RABGAP1L: variants seen among roughly 807,000 people sequenced by gnomAD.
The protein encoded by RABGAP1L is RAB GTPase activating protein 1 like.
A neutral mutation model predicts 137.7 loss-of-function variants in RABGAP1L; 63 were observed. The observed-to-expected ratio is 0.46, with a 90% CI of 0.37 to 0.56. The LOEUF is 0.56. Among genes scored for constraint, RABGAP1L ranks in the 20% least tolerant of loss-of-function variants. The probability of loss-of-function intolerance (pLI) is 0.00; values close to 1 mark genes in which losing one functional copy is unlikely to be tolerated. For synonymous variants in RABGAP1L, 431 were observed against 433.7 expected, an observed-to-expected ratio of 0.99 and a Z score of 0.08; for missense variants, 1,095 against 1,244.0, an observed-to-expected ratio of 0.88 and a Z score of 1.80.
intron 11 of RABGAP1L, among the ~76,000 whole-genome samples, chr1:174,311,475 G>T (rs1047956563): frequency 3.3e-5 from 5 of 152,114 alleles, no homozygotes; most frequent in Non-Finnish European, 7.4e-5. Flanking sequence ...CTGTGTCCAT[G>T]ACTTCAATTG....
intron 18 of RABGAP1L, among the ~76,000 whole-genome samples, chr1:174,811,202 A>G (rs1469444173): frequency 6.6e-6 from 1 of 152,212 alleles, no homozygotes; most frequent in African/African-American, 2.4e-5. Flanking sequence ...TTATTTCCAA[A>G]TGGTTTTTTA....
intron 19 of RABGAP1L, among the ~76,000 whole-genome samples, chr1:174,946,940 ATGTGTGTGTGTGTGTGTGTG>A (rs755558389): frequency 3.3e-5 from 2 of 60,938 alleles, no homozygotes; most frequent in Non-Finnish European, 5.5e-5. Flanking sequence ...ATATATATAT[ATGTGTGTGTGTGTGTGTGTG>A]TGTGTGTGTG....
intron 19 of RABGAP1L, among the ~76,000 whole-genome samples, chr1:174,896,052 C>G (rs781329446): frequency 2.2e-4 from 33 of 152,214 alleles, no homozygotes; most frequent in Non-Finnish European, 3.7e-4. Flanking sequence ...AGTTTCCAGT[C>G]CCACCAACAA....
chr1:174,263,949 A>G (rs1312247532), intron 7 of RABGAP1L, among the ~76,000 whole-genome samples: 1 of 152,172 alleles, frequency 6.6e-6, no homozygotes, highest in East Asian at 1.9e-4. Context: ...TTCTTTAGTA[A>G]ATATTGTTTA....
intron 14 of RABGAP1L, among the ~76,000 whole-genome samples, chr1:174,650,301 T>G (rs1435435649): frequency 1.3e-5 from 2 of 152,134 alleles, no homozygotes; most frequent in East Asian, 1.9e-4. Flanking sequence ...TTCTCTTTTT[T>G]GGTTGTGTCT....
intron 15 of RABGAP1L, among the ~76,000 whole-genome samples, chr1:174,687,641 A>G (rs956767328): frequency 1.3e-5 from 2 of 152,202 alleles, no homozygotes; most frequent in African/African-American, 4.8e-5. Flanking sequence ...CATCAAACAC[A>G]CTATCTCAGG....
chr1:174,826,377 A>G (rs1054090161), intron 19 of RABGAP1L, among the ~76,000 whole-genome samples: 1 of 152,090 alleles, frequency 6.6e-6, no homozygotes, highest in Non-Finnish European at 1.5e-5. Flanking sequence ...GTGTGCCACC[A>G]TCCTCAGCTA....
intron 1 of RABGAP1L, among the ~76,000 whole-genome samples, chr1:174,167,355 G>T (rs1333614142): frequency 2.0e-5 from 3 of 152,038 alleles, no homozygotes; most frequent in African/African-American, 7.3e-5. Flanking sequence ...CATTTGTAAA[G>T]ATATACACGC....
At chr1:174,742,471 C>T (rs761749520) in intron 17 of RABGAP1L, among the ~76,000 whole-genome samples, 15 of 152,010 alleles carry the variant, frequency 9.9e-5, no homozygotes, top group African/African-American at 4.8e-5. Flanking sequence ...GAGCTGAGAT[C>T]GCGCCACTGC....
At chr1:174,246,889 T>C (rs543427227) in intron 5 of RABGAP1L, among the ~76,000 whole-genome samples, 4 of 152,356 alleles carry the variant, frequency 2.6e-5, no homozygotes, top group East Asian at 3.9e-4. Context: ...TCACAGACTC[T>C]AGAATTCACA....
chr1:174,882,243 C>T (rs1273665202), intron 19 of RABGAP1L, among the ~76,000 whole-genome samples: 1 of 152,158 alleles, frequency 6.6e-6, no homozygotes, highest in African/African-American at 2.4e-5. Flanking sequence ...TTTCTTAGTA[C>T]AGGCTTAATT....
intron 13 of RABGAP1L, among the ~76,000 whole-genome samples, chr1:174,522,317 C>G (rs1306787861): frequency 6.6e-6 from 1 of 152,058 alleles, no homozygotes; most frequent in Non-Finnish European, 1.5e-5. Context: ...GTGACTCAAA[C>G]CTGTAATCCT....
At chr1:174,302,269 T>C (rs1252339373) in intron 10 of RABGAP1L, among the ~76,000 whole-genome samples, 1 of 152,216 alleles carries the variant, frequency 6.6e-6, no homozygotes, top group African/African-American at 2.4e-5. Context: ...TTAGACTCTC[T>C]CATGCCTCAT....
At chr1:174,339,764 G>A (rs930240804) in intron 11 of RABGAP1L, among the ~76,000 whole-genome samples, 5 of 151,874 alleles carry the variant, frequency 3.3e-5, no homozygotes, top group Non-Finnish European at 7.4e-5. Context: ...GCACCACCAT[G>A]CCTGGCTAAT....
At chr1:174,182,239 A>G (rs977327705) in intron 1 of RABGAP1L, among the ~76,000 whole-genome samples, 1 of 152,210 alleles carries the variant, frequency 6.6e-6, no homozygotes, top group Non-Finnish European at 1.5e-5. Context: ...ATTCGGGGAA[A>G]AAAAAATGAA....
intron 13 of RABGAP1L, among the ~76,000 whole-genome samples, chr1:174,417,046 G>A (rs1032471504): frequency 1.3e-5 from 2 of 152,090 alleles, no homozygotes; most frequent in Non-Finnish European, 2.9e-5. Context: ...TAAGCAAGTA[G>A]TTGGATGAAT....
chr1:174,585,255 G>A (rs984562520), intron 13 of RABGAP1L, among the ~76,000 whole-genome samples: 5 of 151,846 alleles, frequency 3.3e-5, no homozygotes, highest in Non-Finnish European at 5.9e-5. Context: ...TTGATTCTAG[G>A]GCAATACTGC....
At chr1:174,361,781 T>A (rs935099856) in intron 11 of RABGAP1L, among the ~76,000 whole-genome samples, 5 of 152,326 alleles carry the variant, frequency 3.3e-5, no homozygotes, top group Middle Eastern at 3.4e-3. Flanking sequence ...TTTACTTTTT[T>A]AAAAAATACT....
At chr1:174,349,035 C>G (rs1682740395) in intron 11 of RABGAP1L, among the ~76,000 whole-genome samples, 1 of 142,192 alleles carries the variant, frequency 7.0e-6, no homozygotes, top group African/African-American at 2.5e-5. Flanking sequence ...GACAGGGCGG[C>G]TGGCCGGGCG....
Sources: gnomAD v4.1 joint callset for allele counts (sites outside exome capture counted in the v4.1 genomes callset) on GRCh38, gnomAD v4.1.1 for gene constraint, MANE v1.5 for transcripts, NCBI Gene and HGNC (gene_info 2026-07-23, HGNC 2026-07-21) for gene names.